The following TJP2 variants were observed in gnomAD, a reference collection of about 807,000 sequenced individuals.
The protein encoded by TJP2 is Friedreich ataxia region gene X104 (tight junction protein ZO-2).
TJP2 carries 91 observed loss-of-function variants against 133.1 expected under a neutral mutation model. That is an observed-to-expected ratio of 0.68 (90% CI 0.58 to 0.81). The LOEUF (loss-of-function observed/expected upper bound fraction) is 0.81, where lower values mean the gene tolerates loss of function less well. TJP2 is among the 40% of genes least tolerant of loss of function. The pLI, the probability that TJP2 is intolerant of heterozygous loss-of-function variation, is 0.00. For synonymous variants in TJP2, 592 were observed against 583.4 expected, an observed-to-expected ratio of 1.01 and a Z score of -0.21; for missense variants, 1,541 against 1,565.6, an observed-to-expected ratio of 0.98 and a Z score of 0.26.
At chr9:69,201,785 A>G (rs1037682684) in intron 1 of TJP2, among the ~76,000 whole-genome samples, 1 of 152,190 alleles carries the variant, frequency 6.6e-6, no homozygotes, top group Non-Finnish European at 1.5e-5. Flanking sequence ...TTAGAAAGGG[A>G]GGAACTTCTG....
At chr9:69,243,175 C>T (rs2133431558) in intron 17 of TJP2, among the ~76,000 whole-genome samples, 1 of 152,166 alleles carries the variant, frequency 6.6e-6, no homozygotes, top group South Asian at 2.1e-4. Flanking sequence ...ATTTTGTAGG[C>T]TTTTAAAATG....
chr9:69,197,524 T>C (rs1311777449), intron 1 of TJP2, among the ~76,000 whole-genome samples: 9 of 152,206 alleles, frequency 5.9e-5, no homozygotes, highest in Admixed American at 5.2e-4. Context: ...TCTTTTTTTC[T>C]ACCATGTGTT....
In TJP2 at chr9:69,126,316, T is replaced by C. The variant is rs1822294846; in HGVS notation, c.-131+4591T>C. ...CAAGAGCCAAGGGTTCTTTTCATGG[T>C]ACCCTGAGACCTCTGATGAGTTAGA... On this transcript the variant is annotated intron_variant, in intron 1 of 5. Transcript: ENST00000423935. Among the ~76,000 whole-genome samples, 2 of 77,416 alleles carry C rather than the reference T, an allele frequency of 2.6e-5. 1 individual carries two copies. Among genetic ancestry groups the C allele is most frequent in the South Asian group, 7.1e-4 (2 of 2,806 alleles). 50.8% of individuals were successfully genotyped at this position (77,416 alleles called of 152,430 possible).
chr9:69,175,617 G>A (rs1488092034), intron 1 of TJP2, among the ~76,000 whole-genome samples: 1 of 152,194 alleles, frequency 6.6e-6, no homozygotes, highest in Non-Finnish European at 1.5e-5. Context: ...TCAGTGTGGG[G>A]ATTACGCAGA....
At chr9:69,198,428 C>T (rs1826752263) in intron 1 of TJP2, among the ~76,000 whole-genome samples, 1 of 152,230 alleles carries the variant, frequency 6.6e-6, no homozygotes. Flanking sequence ...AGGCGTGAGC[C>T]ACCATGCCCG....
At chr9:69,155,861 G>A (rs1175844591) in intron 2 of TJP2, among the ~76,000 whole-genome samples, 3 of 152,166 alleles carry the variant, frequency 2.0e-5, no homozygotes, top group Non-Finnish European at 2.9e-5. Context: ...GGATTCCTGC[G>A]GCAGGTGATA....
intron 1 of TJP2, among the ~76,000 whole-genome samples, chr9:69,182,127 A>G (rs947353812): frequency 6.6e-6 from 1 of 152,146 alleles, no homozygotes; most frequent in Non-Finnish European, 1.5e-5. Flanking sequence ...GCTGCAAAAA[A>G]CCACATTGTT....
intron 1 of TJP2, among the ~76,000 whole-genome samples, chr9:69,140,939 C>T (rs1021898577): frequency 6.6e-6 from 1 of 152,208 alleles, no homozygotes; most frequent in Admixed American, 6.5e-5. Flanking sequence ...CTCTGCCTCC[C>T]AAGTTCAAGT....
intron 2 of TJP2, among the ~76,000 whole-genome samples, chr9:69,215,713 A>G (rs540740839): frequency 6.6e-6 from 1 of 151,924 alleles, no homozygotes; most frequent in East Asian, 1.9e-4. Context: ...TAATATGTCA[A>G]AACATCACAA....
chr9:69,175,599 A>T (rs1315531958), intron 1 of TJP2, among the ~76,000 whole-genome samples: 1 of 151,980 alleles, frequency 6.6e-6, no homozygotes. Context: ...TTCATGAACA[A>T]CTCCACTTCA....
Position 69,127,062 on chromosome 9 carries a change from G to GTC in TJP2, c.-131+5349_-131+5350dup, listed in dbSNP as rs199691812. The stretch of plus-strand genomic sequence containing the variant: ...GCCTGGGCAACATAGGGAGACCCCT[G>GTC]TCTCTCTCTCTCTTTTTTTTTTTTT... On this transcript the variant is annotated intron_variant, in intron 1 of 5. Coordinates refer to the TJP2 transcript ENST00000423935. Among the ~76,000 whole-genome samples, 20 of 59,878 alleles carry GTC rather than the reference G, an allele frequency of 3.3e-4. 4 individuals are homozygous for GTC. Among genetic ancestry groups the GTC allele is most frequent in the Middle Eastern group, 0.022 (2 of 92 alleles). 39.3% of individuals were successfully genotyped at this position (59,878 alleles called of 152,430 possible). A position where few individuals can be genotyped will look rare whatever the true frequency, so the allele number is the denominator to read the frequency against.
intron 11 of TJP2, among the ~76,000 whole-genome samples, 184 bp from the exon 12 acceptor site, chr9:69,234,255 G>A (rs1290987901): frequency 2.0e-5 from 3 of 152,144 alleles, no homozygotes; most frequent in Admixed American, 6.5e-5. Flanking sequence ...GGTGCTGGGC[G>A]CGAGGACTTG....
intron 1 of TJP2, among the ~76,000 whole-genome samples, chr9:69,198,659 C>T (rs1410944640): frequency 6.6e-6 from 1 of 152,182 alleles, no homozygotes; most frequent in East Asian, 1.9e-4. Flanking sequence ...AAGCTGTGTC[C>T]ATTGTGAAGT....
At position 69,228,065 on chromosome 9, in the gene TJP2, A is replaced by G; in HGVS notation, c.1404A>G (p.Thr468=). The G allele has an allele frequency of 6.2e-7, 1 of 1,613,824 alleles. No homozygotes were observed. Among genetic ancestry groups the G allele is most frequent in the Non-Finnish European group, 8.5e-7 (1 of 1,179,886 alleles). The change falls in exon 9 of 23, where the codon ACA becomes ACG. Residue 468 remains threonine, a synonymous_variant. Coordinates refer to ENST00000377245, the MANE Select transcript of TJP2 (RefSeq NM_004817.4). ...AGTCCACAGGGGATATTGCAGGCACAGTTGTCCCAGAGACCAACAAGGAAC... is the reference window on the plus strand; with the variant it reads ...AGTCCACAGGGGATATTGCAGGCACGGTTGTCCCAGAGACCAACAAGGAAC... ...PFKSTGDIAG[T]VVPETNKEPR...
In TJP2 at chr9:69,230,206, C is replaced by G. The variant is rs761263931; in HGVS notation, c.1645C>G (p.Leu549Val). 1 of 1,614,132 alleles carries G rather than the reference C, an allele frequency of 6.2e-7. No individual in the cohort carries two copies. Among genetic ancestry groups the G allele is most frequent in the African/African-American group, 1.3e-5 (1 of 75,046 alleles). ...AGGGACCTCGGCGGAGCAGGAGGGCCTTCAAGAAGGAGACCAGATTCTGAA... is the reference window on the plus strand; with the variant it reads ...AGGGACCTCGGCGGAGCAGGAGGGCGTTCAAGAAGGAGACCAGATTCTGAA... ...QEGTSAEQEGLQEGDQILKVN... is the reference protein window; with the variant it reads ...QEGTSAEQEGVQEGDQILKVN... The change falls in exon 11 of 23, where the codon CTT (leucine) becomes GTT (valine). Residue 549 changes from leucine to valine, a missense_variant. Physicochemically the swap from Leu to Val is conservative, Grantham distance 32. Coordinates refer to ENST00000377245, the MANE Select transcript of TJP2 (RefSeq NM_004817.4).
intron 1 of TJP2, among the ~76,000 whole-genome samples, chr9:69,195,989 G>A (rs557375576): frequency 3.3e-5 from 5 of 152,284 alleles, no homozygotes; most frequent in African/African-American, 1.2e-4. Flanking sequence ...AAGAGACAGG[G>A]CCTCACTCTG....
At chr9:69,249,868 A>T in intron 20 of TJP2, 1 of 447,506 alleles carries the variant, frequency 2.2e-6, no homozygotes, top group Non-Finnish European at 3.0e-6. Context: ...ATTTAGATGC[A>T]CCAGATAATT....
chr9:69,237,439 G>A (rs1026479041), intron 14 of TJP2, among the ~76,000 whole-genome samples: 1 of 152,190 alleles, frequency 6.6e-6, no homozygotes, highest in Non-Finnish European at 1.5e-5. Context: ...GCCAAGGTGG[G>A]AGGATCACTT....
intron 1 of TJP2, among the ~76,000 whole-genome samples, chr9:69,147,624 T>C (rs9785300): frequency 0.018 from 2,712 of 152,256 alleles, 87 homozygotes; most frequent in African/African-American, 0.061. Flanking sequence ...TGCAAGTTGA[T>C]TGCTAGATTA....
Sources: allele counts gnomAD v4.1 joint callset (sites outside exome capture counted in the v4.1 genomes callset), GRCh38; gene constraint gnomAD v4.1.1; transcripts MANE v1.5; gene names NCBI Gene and HGNC (gene_info 2026-07-23, HGNC 2026-07-21).